Variants in FAM209B observed in about 807,000 individuals in gnomAD.
FAM209B encodes the protein family with sequence similarity 209 member B.
In FAM209B, 8 loss-of-function variants were observed where a neutral mutation model predicts 8.9. The observed-to-expected ratio is 0.90, with a 90% CI of 0.53 to 1.62. FAM209B has a LOEUF of 1.62. Among genes scored for constraint, FAM209B ranks in the 40% most tolerant of loss-of-function variants. FAM209B has a pLI of 0.00. For synonymous variants in FAM209B, 67 were observed against 75.0 expected (o/e 0.89, Z 0.55); for missense variants, 175 against 205.3 (o/e 0.85, Z 0.90).
At position 56,535,187 on chromosome 20, in the gene FAM209B, A is replaced by ACGCC. The variant is rs1440044366; in HGVS notation, c.250-984_250-981dup. The stretch of plus-strand genomic sequence containing the variant: ...CAGTGAGCTGAGATCGTGCCACTGC[A>ACGCC]CGCCAGCCTGGGCGACAAAGTGAGA... On this transcript the variant is annotated intron_variant, in intron 1 of 1. Transcript: ENST00000371325. 5.3e-5 allele frequency among the ~76,000 whole-genome samples: 8 copies of ACGCC among 151,132 alleles called. No homozygotes were observed. The East Asian group carries it at 1.6e-3, about 30-fold the overall frequency.
chr20:56,534,381 G>A (rs149015614), intron 1 of FAM209B, among the ~76,000 whole-genome samples: 201 of 151,960 alleles, frequency 1.3e-3, no homozygotes, highest in African/African-American at 4.5e-3. Context: ...TTGGGAGGCC[G>A]AGACGGGCAG....
rs2296128 is a variant in FAM209B, at chr20:56,536,217, C to G, written c.295C>G (p.Leu99Val). The G allele has an allele frequency of 2.5e-6, 4 of 1,589,690 alleles. No individual in the cohort carries two copies. The highest frequency in any genetic ancestry group is 3.4e-6 in the Non-Finnish European group (4 of 1,167,460). Residue 99 changes from leucine to valine, a missense_variant, in exon 2 of 2, where the codon CTA (leucine) becomes GTA (valine). By Grantham distance (32) the Leu-to-Val change is conservative. Transcript: ENST00000371325. ...TCGAGGCTTCCCATTTCGCACTCCA[C>G]TAAAGAAAAATCAAAATGCTTCTCT... Reference protein sequence around the residue: ...GLRGFPFRTPLKKNQNASLYK... With the variant: ...GLRGFPFRTPVKKNQNASLYK...
intron 1 of FAM209B, among the ~76,000 whole-genome samples, chr20:56,535,455 A>T (rs1985942705): frequency 7.1e-6 from 1 of 139,868 alleles, no homozygotes; most frequent in South Asian, 2.4e-4. Context: ...GCCGGGCATG[A>T]TGGCGGGTGC....
rs200150839 is a variant in FAM209B, at chr20:56,533,451, C to T, written c.110C>T (p.Pro37Leu). 8 of 1,574,980 alleles carry T rather than the reference C, an allele frequency of 5.1e-6. No individual in the cohort carries two copies. Among genetic ancestry groups the T allele is most frequent in the South Asian group, 2.2e-5 (2 of 89,408 alleles). Residue 37 changes from proline to leucine, a missense_variant, in exon 1 of 2, where the codon CCG becomes CTG. By Grantham distance (98) the Pro-to-Leu change is moderately conservative (BLOSUM62 -3). This residue lies in a region of FAM209B where 166 missense variants were observed against 174.5 expected (regional missense o/e 0.95). Transcript: ENST00000371325. Reference sequence around the variant, plus strand: ...ACTAGCGAACCCCAGGGGAAGGTGCCGTGTGGAGAGCACTTTCGGATTCGG... The same window carrying T: ...ACTAGCGAACCCCAGGGGAAGGTGCTGTGTGGAGAGCACTTTCGGATTCGG... ...QKTSEPQGKVPCGEHFRIRQN... is the reference protein window; with the variant it reads ...QKTSEPQGKVLCGEHFRIRQN...
At chr20:56,535,617 A>C (rs2146404039) in intron 1 of FAM209B, among the ~76,000 whole-genome samples, 1 of 152,118 alleles carries the variant, frequency 6.6e-6, no homozygotes, top group South Asian at 2.1e-4. Flanking sequence ...GCTTGAACCC[A>C]GGAAGTGGAG....
At chr20:56,533,882 C>T (rs955008487) in intron 1 of FAM209B, among the ~76,000 whole-genome samples, 1 of 152,172 alleles carries the variant, frequency 6.6e-6, no homozygotes, top group African/African-American at 2.4e-5. Flanking sequence ...CTCAGCCGGG[C>T]GCAGTGGTTC....
chr20:56,536,143 T>C (rs780462261), intron 1 of FAM209B, 29 bp from the exon 2 acceptor site: 1 of 1,505,544 alleles, frequency 6.6e-7, no homozygotes, highest in Non-Finnish European at 8.9e-7. Context: ...GTCCATGATA[T>C]TATTGACCTT....
chr20:56,535,420 T>C (rs1985940975), intron 1 of FAM209B, among the ~76,000 whole-genome samples: 1 of 149,934 alleles, frequency 6.7e-6, no homozygotes, highest in African/African-American at 2.5e-5. Context: ...GATAAAACCC[T>C]GTCTCTACAA....
At chr20:56,534,492 T>G (rs950967226) in intron 1 of FAM209B, among the ~76,000 whole-genome samples, 1 of 151,932 alleles carries the variant, frequency 6.6e-6, no homozygotes, top group African/African-American at 2.4e-5. Context: ...GGCTCACCCC[T>G]GTAATCCTAG....
At position 56,533,547 on chromosome 20, in the gene FAM209B, C is replaced by G; in HGVS notation, c.206C>G (p.Pro69Arg). Residue 69 changes from proline (P) to arginine (R), a missense_variant, in exon 1 of 2, where the codon CCG becomes CGG. By Grantham distance (103) the Pro-to-Arg change is moderately radical (BLOSUM62 -2). Coordinates refer to ENST00000371325, the MANE Select transcript of FAM209B (RefSeq NM_001013646.4). ...KWLWLLFAVV[P>R]FVILQCQRDS... is the part of the protein sequence containing the mutation. The stretch of plus-strand genomic sequence containing the variant: ...CTCTGGCTTTTGTTTGCTGTTGTGC[C>G]GTTTGTGATACTGCAGTGTCAAAGA... The G allele has an allele frequency of 6.2e-7, 1 of 1,614,094 alleles. No homozygotes were observed. Among genetic ancestry groups the G allele is most frequent in the East Asian group, 2.2e-5 (1 of 44,870 alleles).
chr20:56,534,747 CAAAAAAAAA>C (rs74181055), intron 1 of FAM209B, among the ~76,000 whole-genome samples: 2 of 32,382 alleles, frequency 6.2e-5, no homozygotes, highest in Non-Finnish European at 1.0e-4. Context: ...GACTCTGTCT[CAAAAAAAAA>C]AAAAAAAAAA....
intron 1 of FAM209B, among the ~76,000 whole-genome samples, chr20:56,534,656 G>C (rs1477463083): frequency 6.8e-6 from 1 of 146,372 alleles, no homozygotes; most frequent in African/African-American, 2.5e-5. Context: ...GCTGAGGCAG[G>C]AGAATCACTT....
At chr20:56,536,106 T>C in intron 1 of FAM209B, 66 bp from the exon 2 acceptor site, 1 of 1,374,028 alleles carries the variant, frequency 7.3e-7, no homozygotes, top group Non-Finnish European at 9.9e-7. Flanking sequence ...AGCCCAACTG[T>C]CTTGGAACTG....
At chr20:56,534,022 G>T (rs188983479) in intron 1 of FAM209B, among the ~76,000 whole-genome samples, 1 of 151,924 alleles carries the variant, frequency 6.6e-6, no homozygotes, top group Admixed American at 6.6e-5. Flanking sequence ...TGGGCATGGC[G>T]GCGTGTGTCT....
Position 56,533,527 on chromosome 20 carries a change from G to C in FAM209B, c.186G>C (p.Trp62Cys), listed in dbSNP as rs747386102. The C allele has an allele frequency of 1.2e-6, 2 of 1,614,202 alleles. No homozygotes were observed. The highest frequency in any genetic ancestry group is 3.3e-5 in the Admixed American group (2 of 60,010). The change falls in exon 1 of 2, where the codon TGG becomes TGC. Residue 62 changes from tryptophan (W) to cysteine (C), a missense_variant. This residue lies in a region of FAM209B where 166 missense variants were observed against 174.5 expected (regional missense o/e 0.95). Coordinates refer to ENST00000371325, the MANE Select transcript of FAM209B (RefSeq NM_001013646.4). ...GCTGGCTTGGGAGCAAATGGCTCTG[G>C]CTTTTGTTTGCTGTTGTGCCGTTTG... Reference protein sequence around the residue: ...TQGWLGSKWLWLLFAVVPFVI... With the variant: ...TQGWLGSKWLCLLFAVVPFVI...
chr20:56,533,969 A>C (rs181844463), intron 1 of FAM209B, among the ~76,000 whole-genome samples: 1 of 152,284 alleles, frequency 6.6e-6, no homozygotes, highest in East Asian at 1.9e-4. Context: ...CAGCCTGGCC[A>C]ACACGGTGAA....
Position 56,533,311 on chromosome 20 carries a change from T to G in FAM209B, c.-31T>G. 16 of 1,611,314 alleles carry G rather than the reference T, an allele frequency of 9.9e-6. No homozygotes were observed. The highest frequency in any genetic ancestry group is 1.4e-5 in the Non-Finnish European group (16 of 1,177,832). ...GTTGCGAGGGCAAGCAAACCCGTCA[T>G]GAGCAACTCCCTTCCCCATCTCTGC... On this transcript the variant is annotated 5_prime_UTR_variant, in exon 1 of 2. The change abolishes an upstream ATG in the 5' untranslated region. Coordinates refer to ENST00000371325, the MANE Select transcript of FAM209B (RefSeq NM_001013646.4).
In FAM209B at chr20:56,533,304, C is replaced by A. The variant is rs1316132088; in HGVS notation, c.-38C>A. 1 of 1,608,244 alleles carries A rather than the reference C, an allele frequency of 6.2e-7. No homozygotes were observed. The highest frequency in any genetic ancestry group is 1.1e-5 in the South Asian group (1 of 90,680). Reference sequence around the variant, plus strand: ...TCTTCCAGTTGCGAGGGCAAGCAAACCCGTCATGAGCAACTCCCTTCCCCA... The same window carrying A: ...TCTTCCAGTTGCGAGGGCAAGCAAAACCGTCATGAGCAACTCCCTTCCCCA... On this transcript the variant is annotated 5_prime_UTR_variant, in exon 1 of 2. Transcript: ENST00000371325.
intron 1 of FAM209B, among the ~76,000 whole-genome samples, chr20:56,535,049 C>CAA (rs762093801): frequency 3.5e-4 from 43 of 121,752 alleles, no homozygotes; most frequent in Admixed American, 5.3e-4. Context: ...AACTCTGTCT[C>CAA]AAAAAAAAAA....
Sources: gnomAD v4.1 joint callset for allele counts (sites outside exome capture counted in the v4.1 genomes callset) on GRCh38, gnomAD v4.1.1 for gene constraint, gnomAD v4.1.1 regional missense constraint, MANE v1.5 for transcripts, NCBI Gene and HGNC (gene_info 2026-07-23, HGNC 2026-07-21) for gene names.